ADGRB3: variants seen among roughly 807,000 people sequenced by gnomAD.
ADGRB3 encodes brain-specific angiogenesis inhibitor 3.
ADGRB3 carries 37 observed loss-of-function variants against 193.4 expected under a neutral mutation model. The observed-to-expected ratio is 0.19, with a 90% CI of 0.15 to 0.25. The LOEUF is 0.25. ADGRB3 is among the 10% of genes least tolerant of loss of function. ADGRB3 has a pLI of 1.00. For synonymous variants in ADGRB3, 690 were observed against 644.2 expected, an observed-to-expected ratio of 1.07 and a Z score of -1.08; for missense variants, 1,637 against 1,852.9, an observed-to-expected ratio of 0.88 and a Z score of 2.14.
rs529868275 is a variant in ADGRB3, at chr6:69,021,369, A to T, written c.2107+2870A>T. On this transcript the variant is annotated intron_variant, in intron 13 of 31. Transcript: ENST00000370598. ...GAAGGAGTTGAACAGTCAAATATGA[A>T]TGCCAAAATGACCATGCAATTTAAT... Among the ~76,000 whole-genome samples, 12 of 152,044 alleles carry T rather than the reference A, an allele frequency of 7.9e-5. No individual in the cohort carries two copies. In the East Asian group the frequency reaches 2.3e-3, roughly 29 times the overall value.
intron 17 of ADGRB3, among the ~76,000 whole-genome samples, chr6:69,115,174 A>G (rs1473931403): frequency 2.0e-5 from 3 of 152,240 alleles, no homozygotes; most frequent in Non-Finnish European, 4.4e-5. Flanking sequence ...TATTCCCAAT[A>G]GCAAAGACTT....
chr6:68,840,400 T>G (rs1231081282), intron 3 of ADGRB3, among the ~76,000 whole-genome samples: 5 of 70,496 alleles, frequency 7.1e-5, no homozygotes, highest in African/African-American at 2.3e-4. Flanking sequence ...TTTTTTTTTT[T>G]TTTTTTTTGA....
chr6:68,672,114 T>C (rs898842790), intron 3 of ADGRB3, among the ~76,000 whole-genome samples: 2 of 152,056 alleles, frequency 1.3e-5, no homozygotes, highest in Non-Finnish European at 2.9e-5. Context: ...ATAATGTCTT[T>C]TTTCATCTCT....
chr6:68,637,436 G>T lies in ADGRB3; in HGVS notation c.-142G>T, dbSNP rs3757040. On this transcript the variant is annotated 5_prime_UTR_variant, in exon 2 of 32. Coordinates refer to ENST00000370598, the MANE Select transcript of ADGRB3 (RefSeq NM_001704.3). The stretch of plus-strand genomic sequence containing the variant: ...CCTAAAGACTTTTAAAATTAACTTG[G>T]CATCACTTTTATCAGCTCAAAGGCT... 1.3e-5 allele frequency: 2 copies of T among 152,606 alleles called. No homozygotes were observed. Among genetic ancestry groups the T allele is most frequent in the Non-Finnish European group, 2.9e-5 (2 of 68,038 alleles). 9.5% of individuals were successfully genotyped at this position (152,606 alleles called of 1,614,324 possible). A position where few individuals can be genotyped will look rare whatever the true frequency, so the allele number is the denominator to read the frequency against.
chr6:69,357,491 G>A (rs1769360679), intron 28 of ADGRB3, among the ~76,000 whole-genome samples: 1 of 151,930 alleles, frequency 6.6e-6, no homozygotes, highest in Non-Finnish European at 1.5e-5. Flanking sequence ...TCAAACTGTA[G>A]TTAAAAGAGT....
chr6:69,174,443 T>C (rs909353825), intron 17 of ADGRB3, among the ~76,000 whole-genome samples: 3 of 152,238 alleles, frequency 2.0e-5, no homozygotes, highest in Admixed American at 6.5e-5. Flanking sequence ...CATTTCTTTT[T>C]GTGGCAGAAT....
At chr6:69,080,382 A>G (rs1772353024) in intron 17 of ADGRB3, among the ~76,000 whole-genome samples, 1 of 152,010 alleles carries the variant, frequency 6.6e-6, no homozygotes, top group African/African-American at 2.4e-5. Flanking sequence ...GAATAACCAA[A>G]TGATAAAGCT....
rs991764846 is a variant in ADGRB3 at position 69,040,822 on chromosome 6, A to G, written c.2108-7363A>G. Among the ~76,000 whole-genome samples the G allele has an allele frequency of 2.0e-5, 3 of 152,088 alleles. No homozygotes were observed. The South Asian group carries it at 6.2e-4, about 31-fold the overall frequency. The stretch of plus-strand genomic sequence containing the variant: ...AGTAAAGTTTCTATATACATATTAC[A>G]TTATTAAAAACTAACAAGTTCAAAA... On this transcript the variant is annotated intron_variant, in intron 13 of 31. Transcript: ENST00000370598.
chr6:68,675,310 C>A (rs542492414), intron 3 of ADGRB3, among the ~76,000 whole-genome samples: 45 of 152,054 alleles, frequency 3.0e-4, no homozygotes, highest in Admixed American at 1.1e-3. Flanking sequence ...ATTACTGCTA[C>A]AAAATTTAAA....
chr6:68,640,818 G>A (rs1325877896), intron 3 of ADGRB3, among the ~76,000 whole-genome samples: 1 of 152,298 alleles, frequency 6.6e-6, no homozygotes, highest in East Asian at 1.9e-4. Flanking sequence ...GAAGAGCAAT[G>A]GTAGGAGAGG....
intron 26 of ADGRB3, among the ~76,000 whole-genome samples, chr6:69,348,612 A>T (rs1769158105): frequency 6.6e-6 from 1 of 151,698 alleles, no homozygotes; most frequent in South Asian, 2.1e-4. Flanking sequence ...CAGTGAGCTG[A>T]GATTGTGCCA....
At chr6:69,125,165 T>A (rs1582480002) in intron 17 of ADGRB3, among the ~76,000 whole-genome samples, 1 of 152,140 alleles carries the variant, frequency 6.6e-6, no homozygotes, top group South Asian at 2.1e-4. Context: ...TTTTGGACAG[T>A]GTTACCTTTC....
rs550519611 is a variant in ADGRB3, at chr6:69,205,233, G to A, written c.2481-28057G>A. 1.5e-3 allele frequency among the ~76,000 whole-genome samples: 235 copies of A among 152,084 alleles called. 3 individuals are homozygous for A. The highest frequency in any genetic ancestry group is 5.3e-3 in the African/African-American group (218 of 41,486). On this transcript the variant is annotated intron_variant, in intron 17 of 31. Transcript: ENST00000370598. Reference sequence around the variant, plus strand: ...ACATTTTATTTAACTCAATTCACCTGGGGTCCTCATTGCTGCGGCATTTTT... The same window carrying A: ...ACATTTTATTTAACTCAATTCACCTAGGGTCCTCATTGCTGCGGCATTTTT...
At chr6:68,663,683 T>TA (rs1390570974) in intron 3 of ADGRB3, among the ~76,000 whole-genome samples, 2 of 151,796 alleles carry the variant, frequency 1.3e-5, no homozygotes, top group Non-Finnish European at 2.9e-5. Flanking sequence ...AAGCTTTGAA[T>TA]AGAAATAATT....
intron 26 of ADGRB3, among the ~76,000 whole-genome samples, chr6:69,351,010 A>G (rs1769210022): frequency 6.6e-6 from 1 of 152,114 alleles, no homozygotes; most frequent in Non-Finnish European, 1.5e-5. Flanking sequence ...GTGCACTATG[A>G]AATCTAATCT....
intron 13 of ADGRB3, among the ~76,000 whole-genome samples, chr6:69,024,130 C>T (rs181819493): frequency 1.3e-4 from 19 of 151,682 alleles, no homozygotes; most frequent in African/African-American, 4.1e-4. Context: ...ATAGAAGAGA[C>T]GTAAGGTGAT....
At chr6:69,125,818 T>C (rs2150332013) in intron 17 of ADGRB3, among the ~76,000 whole-genome samples, 1 of 152,342 alleles carries the variant, frequency 6.6e-6, no homozygotes, top group East Asian at 1.9e-4. Flanking sequence ...CCTCCCACTT[T>C]GAAGGCAATT....
intron 17 of ADGRB3, among the ~76,000 whole-genome samples, chr6:69,113,722 T>A (rs1443980587): frequency 1.3e-5 from 2 of 152,210 alleles, no homozygotes; most frequent in Non-Finnish European, 2.9e-5. Flanking sequence ...ATTATTTTCC[T>A]TCTGGGAAGT....
Position 69,325,314 on chromosome 6 carries a change from T to C in ADGRB3, c.2965+292T>C, listed in dbSNP as rs182962106. Among the ~76,000 whole-genome samples, 288 of 152,186 alleles carry C rather than the reference T, an allele frequency of 1.9e-3. 4 individuals are homozygous for C. Among genetic ancestry groups the C allele is most frequent in the Admixed American group, 4.9e-3 (75 of 15,270 alleles). ...GAAAAACAGTGCTCTCTGTTAATAT[T>C]TTCTGAAAGTGCAAAATACCTTAAA... On this transcript the variant is annotated intron_variant, in intron 21 of 31. Transcript: ENST00000370598.
Sources: allele counts gnomAD v4.1 joint callset (sites outside exome capture counted in the v4.1 genomes callset), GRCh38; gene constraint gnomAD v4.1.1; transcripts MANE v1.5; gene names NCBI Gene and HGNC (gene_info 2026-07-23, HGNC 2026-07-21).